ZNRF1: variants seen among roughly 807,000 people sequenced by gnomAD.
ZNRF1 encodes the protein zinc and ring finger 1.
ZNRF1 carries 3 observed loss-of-function variants against 18.4 expected under a neutral mutation model. That is an observed-to-expected ratio of 0.16 (90% confidence interval 0.07 to 0.42). The LOEUF is 0.42. ZNRF1 is among the 10% of genes least tolerant of loss of function. The pLI is 0.99. For synonymous variants in ZNRF1, 157 were observed against 144.2 expected (o/e 1.09, Z -0.64); for missense variants, 310 against 329.8 (o/e 0.94, Z 0.47).
At chr16:75,008,534 G>A (rs2034953234) in intron 1 of ZNRF1, among the ~76,000 whole-genome samples, 1 of 152,140 alleles carries the variant, frequency 6.6e-6, no homozygotes, top group Non-Finnish European at 1.5e-5. Flanking sequence ...GCTTTAAAGA[G>A]GTTGGAAGAC....
chr16:75,036,937 GGAGAGAA>G (rs2035383614), intron 1 of ZNRF1, among the ~76,000 whole-genome samples: 1 of 152,292 alleles, frequency 6.6e-6, no homozygotes, highest in African/African-American at 2.4e-5. Flanking sequence ...TGTTGATTTG[GGAGAGAA>G]GAGAGAAGGT....
At chr16:75,041,306 C>T (rs1005536184) in intron 1 of ZNRF1, among the ~76,000 whole-genome samples, 4 of 151,950 alleles carry the variant, frequency 2.6e-5, no homozygotes, top group Non-Finnish European at 4.4e-5. Flanking sequence ...GTAGTGGTAC[C>T]ACATTGTGAT....
intron 1 of ZNRF1, among the ~76,000 whole-genome samples, chr16:75,074,019 C>T (rs1008236382): frequency 3.3e-5 from 5 of 152,088 alleles, no homozygotes; most frequent in East Asian, 1.9e-4. Flanking sequence ...TGCTACCACC[C>T]GGAGAGCAGA....
Position 75,108,543 on chromosome 16 carries a change from G to C in ZNRF1, c.*843G>C, listed in dbSNP as rs2036343415. 3 of 398,414 alleles carry C rather than the reference G, an allele frequency of 7.5e-6. No homozygotes were observed. The highest frequency in any genetic ancestry group is 1.3e-5 in the Non-Finnish European group (3 of 226,014). 24.7% of individuals were successfully genotyped at this position (398,414 alleles called of 1,614,324 possible). A position where few individuals can be genotyped will look rare whatever the true frequency, so the allele number is the denominator to read the frequency against. ...TATGTTTGAGAACATTTTAGCCATT[G>C]ATGTTCACACGTGGCATCAGCCCAT... On this transcript the variant is annotated 3_prime_UTR_variant, in exon 5 of 5. Transcript: ENST00000335325.
At chr16:75,020,143 T>G (rs984585575) in intron 1 of ZNRF1, among the ~76,000 whole-genome samples, 2 of 152,242 alleles carry the variant, frequency 1.3e-5, no homozygotes, top group African/African-American at 4.8e-5. Context: ...TAGAATTGTT[T>G]CCTAGAGAAT....
intron 1 of ZNRF1, among the ~76,000 whole-genome samples, chr16:75,052,288 C>T (rs1362790375): frequency 6.6e-6 from 1 of 151,808 alleles, no homozygotes; most frequent in African/African-American, 2.4e-5. Flanking sequence ...GTAGTCTCAG[C>T]TGCTTGGGAG....
intron 1 of ZNRF1, among the ~76,000 whole-genome samples, chr16:75,047,171 GATTT>G (rs1453831094): frequency 2.0e-5 from 3 of 152,138 alleles, no homozygotes; most frequent in Non-Finnish European, 2.9e-5. Context: ...TACCTCAACA[GATTT>G]ATTTATTTAT....
chr16:75,056,670 AG>A lies in ZNRF1; in HGVS notation c.425-36900del, dbSNP rs369348895. ...TGAGACAGTTTTCCTCTTGTCACCC[AG>A]GCTGGAGTGCAATGTCATGATCTCA... On this transcript the variant is annotated intron_variant, in intron 1 of 4. Transcript: ENST00000335325. 1.3e-4 allele frequency among the ~76,000 whole-genome samples: 19 copies of A among 151,968 alleles called. 2 individuals carry two copies. The South Asian group carries it at 1.3e-3, about 10-fold the overall frequency.
chr16:75,016,271 C>G (rs1158928120), intron 1 of ZNRF1, among the ~76,000 whole-genome samples: 1 of 150,080 alleles, frequency 6.7e-6, no homozygotes, highest in East Asian at 2.0e-4. Context: ...CGGAGTCTCA[C>G]TCTGTCGCCC....
At chr16:75,029,629 C>T (rs551891182) in intron 1 of ZNRF1, among the ~76,000 whole-genome samples, 35 of 143,898 alleles carry the variant, frequency 2.4e-4, no homozygotes, top group African/African-American at 8.1e-4. Flanking sequence ...ATTAGTCATG[C>T]ATGGTAGCAT....
At chr16:75,082,389 T>C (rs2036023058) in intron 1 of ZNRF1, among the ~76,000 whole-genome samples, 1 of 152,234 alleles carries the variant, frequency 6.6e-6, no homozygotes, top group Non-Finnish European at 1.5e-5. Flanking sequence ...GTGGCTGGAA[T>C]ACTGTTGCTG....
intron 1 of ZNRF1, among the ~76,000 whole-genome samples, chr16:75,075,338 C>A (rs908086876): frequency 6.6e-6 from 1 of 152,272 alleles, no homozygotes; most frequent in African/African-American, 2.4e-5. Flanking sequence ...TGCACATGCA[C>A]ACATGATCGT....
rs1162002242 is a variant in ZNRF1 at position 74,999,089 on chromosome 16, G to T, written c.-583G>T. ...CGGGACCGAGCGGGGCGGCGCGGCT[G>T]GCGGGGCCGGCGGCGGCTGAAGCGA... On this transcript the variant is annotated 5_prime_UTR_variant, in exon 1 of 5. Transcript: ENST00000335325. 6.7e-6 allele frequency: 1 copy of T among 149,074 alleles called. No homozygotes were observed. Among genetic ancestry groups the T allele is most frequent in the South Asian group, 2.0e-4 (1 of 4,986 alleles). 9.2% of individuals were successfully genotyped at this position (149,074 alleles called of 1,614,324 possible).
chr16:75,048,113 G>A (rs1162080983), intron 1 of ZNRF1, among the ~76,000 whole-genome samples: 1 of 152,000 alleles, frequency 6.6e-6, no homozygotes, highest in Non-Finnish European at 1.5e-5. Context: ...GCCACGTCTG[G>A]CTGATTTTTG....
chr16:75,106,750 A>G (rs1033684438), intron 4 of ZNRF1, 179 bp downstream of exon 4: 10 of 578,482 alleles, frequency 1.7e-5, no homozygotes, highest in African/African-American at 1.5e-4. Context: ...TGGGAAGGAC[A>G]AGAGATACAA....
At chr16:75,085,578 G>T (rs1381292173) in intron 1 of ZNRF1, among the ~76,000 whole-genome samples, 1 of 152,148 alleles carries the variant, frequency 6.6e-6, no homozygotes, top group Non-Finnish European at 1.5e-5. Flanking sequence ...CACAGGCTAG[G>T]TGTATGTTTG....
chr16:75,062,514 T>C lies in ZNRF1; in HGVS notation c.425-31058T>C, dbSNP rs573542824. Among the ~76,000 whole-genome samples the C allele has an allele frequency of 3.9e-5, 6 of 152,380 alleles. No homozygotes were observed. The South Asian group carries it at 1.2e-3, about 32-fold the overall frequency. ...TGTGTCTTTACCTTTCCACAGCAGC[T>C]TTGGCCGCATGCCCCCGAGCTCCCT... On this transcript the variant is annotated intron_variant, in intron 1 of 4. Coordinates refer to ENST00000335325, the MANE Select transcript of ZNRF1 (RefSeq NM_032268.5).
intron 1 of ZNRF1, among the ~76,000 whole-genome samples, chr16:75,081,429 C>T (rs2036011246): frequency 6.6e-6 from 1 of 152,180 alleles, no homozygotes; most frequent in African/African-American, 2.4e-5. Flanking sequence ...GCCTGTTTTA[C>T]CTAGAGAGCA....
intron 1 of ZNRF1, among the ~76,000 whole-genome samples, chr16:75,034,222 T>G (rs1246017927): frequency 6.6e-6 from 1 of 152,192 alleles, no homozygotes. Context: ...GTTAAATATA[T>G]TTACATTGTT....
Sources: allele counts gnomAD v4.1 joint callset (sites outside exome capture counted in the v4.1 genomes callset), GRCh38; gene constraint gnomAD v4.1.1; transcripts MANE v1.5; gene names NCBI Gene and HGNC (gene_info 2026-07-23, HGNC 2026-07-21).